Variants in WSCD2 observed in about 807,000 individuals in gnomAD.
WSCD2 encodes the protein sialate:O-sulfotransferase 2.
WSCD2 carries 28 observed loss-of-function variants against 55.7 expected under a neutral mutation model. The observed-to-expected ratio is 0.50, with a 90% confidence interval of 0.37 to 0.69. The LOEUF (loss-of-function observed/expected upper bound fraction) is 0.69, where lower values mean the gene tolerates loss of function less well. Ranked by LOEUF, WSCD2 falls within the 30% of genes least tolerant of loss-of-function variation. The pLI, the probability that WSCD2 is intolerant of heterozygous loss-of-function variation, is 0.00. For synonymous variants in WSCD2, 301 were observed against 301.9 expected, an observed-to-expected ratio of 1.00 and a Z score of 0.03; for missense variants, 616 against 762.1, an observed-to-expected ratio of 0.81 and a Z score of 2.26.
intron 1 of WSCD2, among the ~76,000 whole-genome samples, chr12:108,194,149 T>G (rs1883576789): frequency 6.6e-6 from 1 of 152,238 alleles, no homozygotes; most frequent in Admixed American, 6.5e-5. Flanking sequence ...GCTGTGGTAC[T>G]CAACTCTCTG....
At chr12:108,233,082 C>A (rs1888951534) in intron 7 of WSCD2, 187 bp downstream of exon 7, 3 of 702,406 alleles carry the variant, frequency 4.3e-6, no homozygotes, top group Non-Finnish European at 6.9e-6. Flanking sequence ...ACAAACATTT[C>A]TTAAGTCATG....
intron 4 of WSCD2, among the ~76,000 whole-genome samples, chr12:108,218,103 C>T (rs1887062466): frequency 6.6e-6 from 1 of 152,190 alleles, no homozygotes; most frequent in Admixed American, 6.5e-5. Flanking sequence ...GTACCTGCAG[C>T]TCACAAAGTT....
At chr12:108,206,220 G>T in intron 2 of WSCD2, 69 bp from the exon 3 acceptor site, 1 of 1,318,928 alleles carries the variant, frequency 7.6e-7, no homozygotes, top group Non-Finnish European at 1.1e-6. Context: ...AGACACATTG[G>T]TGAGGCTTCC....
intron 2 of WSCD2, among the ~76,000 whole-genome samples, chr12:108,199,586 T>C (rs575139041): frequency 4.6e-5 from 7 of 152,358 alleles, no homozygotes; most frequent in African/African-American, 1.7e-4. Flanking sequence ...GGATAAAAAG[T>C]ACTTAACATC....
intron 2 of WSCD2, among the ~76,000 whole-genome samples, chr12:108,199,707 A>C (rs1430476482): frequency 1.3e-5 from 2 of 152,238 alleles, no homozygotes; most frequent in East Asian, 3.8e-4. Context: ...ATAGTAATGA[A>C]GGAAGATAGA....
intron 4 of WSCD2, among the ~76,000 whole-genome samples, chr12:108,220,589 G>T (rs1280791788): frequency 6.6e-6 from 1 of 152,188 alleles, no homozygotes; most frequent in Non-Finnish European, 1.5e-5. Flanking sequence ...GAGTGCGGGG[G>T]CATGATCATG....
At chr12:108,147,789 C>T (rs1877557961) in intron 1 of WSCD2, among the ~76,000 whole-genome samples, 2 of 150,664 alleles carry the variant, frequency 1.3e-5, no homozygotes, top group African/African-American at 2.4e-5. Flanking sequence ...TGAGATGGGT[C>T]GAGGCTAAAG....
In WSCD2 at chr12:108,168,238, C is replaced by T. The variant is rs891056372; in HGVS notation, c.-551-27044C>T. ...GCTTAGCTGGTTAGACAGTAGGGCT[C>T]GTGAGGTCAAGGGTATGAAGAAGGA... On this transcript the variant is annotated intron_variant, in intron 1 of 8. Transcript: ENST00000547525. Among the ~76,000 whole-genome samples the T allele has an allele frequency of 6.6e-5, 10 of 152,146 alleles. 1 individual carries two copies. The highest frequency in any genetic ancestry group is 1.0e-4 in the Non-Finnish European group (7 of 68,030).
At chr12:108,154,520 C>G (rs947249560) in intron 1 of WSCD2, among the ~76,000 whole-genome samples, 4 of 152,116 alleles carry the variant, frequency 2.6e-5, no homozygotes, top group African/African-American at 9.7e-5. Flanking sequence ...TCTTAAGATT[C>G]CTAGCTTAAT....
chr12:108,209,004 G>C (rs1408922649), intron 3 of WSCD2, among the ~76,000 whole-genome samples: 1 of 152,192 alleles, frequency 6.6e-6, no homozygotes, highest in Non-Finnish European at 1.5e-5. Flanking sequence ...GAGCACAAGT[G>C]CTCCCTCAAG....
chr12:108,229,705 G>T (rs1269921385), intron 6 of WSCD2, among the ~76,000 whole-genome samples: 4 of 152,108 alleles, frequency 2.6e-5, no homozygotes, highest in Non-Finnish European at 5.9e-5. Flanking sequence ...TGGGGCTTAG[G>T]AACCAAATCA....
At chr12:108,162,110 C>T (rs1173695808) in intron 1 of WSCD2, among the ~76,000 whole-genome samples, 1 of 152,198 alleles carries the variant, frequency 6.6e-6, no homozygotes, top group East Asian at 1.9e-4. Flanking sequence ...GTAGCCAGTC[C>T]ATGCTAAGGC....
chr12:108,213,302 CG>C (rs1886449762), intron 4 of WSCD2, among the ~76,000 whole-genome samples: 4 of 152,142 alleles, frequency 2.6e-5, no homozygotes, highest in Admixed American at 2.6e-4. Context: ...CAGAGGGCTG[CG>C]GGGGCTCTGT....
chr12:108,232,684 C>T lies in WSCD2; in HGVS notation c.980-47C>T, dbSNP rs549599141. On this transcript the variant is annotated intron_variant, in intron 6 of 8. Coordinates refer to ENST00000547525, the MANE Select transcript of WSCD2 (RefSeq NM_014653.4). ...ATACCCTGGCCCTTTCAGACAGGCT[C>T]CATCTGCCCCTGGTGTTGACCTCTG... 1.7e-4 allele frequency: 262 copies of T among 1,549,144 alleles called. 6 individuals are homozygous for T. The South Asian group carries it at 2.5e-3, about 15-fold the overall frequency.
chr12:108,226,604 G>A (rs1392735889), intron 5 of WSCD2, among the ~76,000 whole-genome samples: 1 of 152,190 alleles, frequency 6.6e-6, no homozygotes, highest in Non-Finnish European at 1.5e-5. Flanking sequence ...CAGGCTCACA[G>A]TCTTGGTTGG....
At position 108,248,674 on chromosome 12, in the gene WSCD2, T is replaced by A; in HGVS notation, c.*331T>A. ...TTGTGGGAGGGAGGGCTCATCCACA[T>A]CATGGAGACTTGCTGGATGCCCCAT... On this transcript the variant is annotated 3_prime_UTR_variant, in exon 9 of 9. Coordinates refer to ENST00000547525, the MANE Select transcript of WSCD2 (RefSeq NM_014653.4). The surrounding 1 kb of genome is among the most constrained non-coding windows in gnomAD (Gnocchi z 4.3). 1 of 1,068,108 alleles carries A rather than the reference T, an allele frequency of 9.4e-7. No individual in the cohort carries two copies. 66.2% of individuals were successfully genotyped at this position (1,068,108 alleles called of 1,614,324 possible). A position where few individuals can be genotyped will look rare whatever the true frequency, so the allele number is the denominator to read the frequency against.
chr12:108,212,634 C>CACAT (rs1410951337), intron 4 of WSCD2, among the ~76,000 whole-genome samples: 1 of 141,852 alleles, frequency 7.0e-6, no homozygotes, highest in Non-Finnish European at 1.5e-5. Context: ...CACACACACA[C>CACAT]ATTCAGACAC....
At chr12:108,225,087 C>T (rs563710767) in intron 5 of WSCD2, among the ~76,000 whole-genome samples, 5 of 152,120 alleles carry the variant, frequency 3.3e-5, no homozygotes, top group East Asian at 1.9e-4. Flanking sequence ...TTAATACTGA[C>T]GAATACTTAG....
At chr12:108,160,883 T>C (rs560655099) in intron 1 of WSCD2, among the ~76,000 whole-genome samples, 12 of 152,342 alleles carry the variant, frequency 7.9e-5, no homozygotes, top group Admixed American at 2.6e-4. Flanking sequence ...AGCTCTGACA[T>C]TGACGAGCTT....
Sources: gnomAD v4.1 joint callset for allele counts (sites outside exome capture counted in the v4.1 genomes callset) on GRCh38, gnomAD v4.1.1 for gene constraint, Gnocchi (gnomAD v3.1) non-coding constraint, MANE v1.5 for transcripts, NCBI Gene and HGNC (gene_info 2026-07-23, HGNC 2026-07-21) for gene names.